The following GPHN variants were observed in gnomAD, a reference collection of about 807,000 sequenced individuals.
The protein encoded by GPHN is gephyrin.
In GPHN, 17 loss-of-function variants were observed where a neutral mutation model predicts 95.5. That is an observed-to-expected ratio of 0.18 (90% CI 0.12 to 0.27). The LOEUF (loss-of-function observed/expected upper bound fraction) is 0.27. Among genes scored for constraint, GPHN ranks in the 10% least tolerant of loss-of-function variants. The pLI is 1.00. For synonymous variants in GPHN, 320 were observed against 322.5 expected (o/e 0.99, Z 0.08); for missense variants, 660 against 978.1 (o/e 0.67, Z 4.34).
At chr14:67,110,335 G>T (rs779939838) in intron 14 of GPHN, 76 bp downstream of exon 14, 32 of 1,539,042 alleles carry the variant, frequency 2.1e-5, no homozygotes, top group Non-Finnish European at 2.6e-5. Flanking sequence ...TGCAGTGTTT[G>T]TGAGATTAAC....
the GPHN span, among the ~76,000 whole-genome samples, chr14:67,438,386 A>G: frequency 1.3e-5 from 2 of 152,222 alleles, no homozygotes; most frequent in African/African-American, 4.8e-5. Context: ...CTGACTGCAA[A>G]ATGGGACACA....
intron 11 of GPHN, among the ~76,000 whole-genome samples, chr14:67,069,353 C>A (rs2076191534): frequency 6.6e-6 from 1 of 152,094 alleles, no homozygotes; most frequent in African/African-American, 2.4e-5. Context: ...TACAGTATGA[C>A]CTTGGTGAGG....
At chr14:67,251,378 C>T in the GPHN span, among the ~76,000 whole-genome samples, 219 of 152,158 alleles carry the variant, frequency 1.4e-3, no homozygotes, top group Non-Finnish European at 2.5e-3. Context: ...ACAAAAAATA[C>T]GAAAATTAGC....
At chr14:67,021,293 A>C (rs959920668) in intron 9 of GPHN, among the ~76,000 whole-genome samples, 4 of 152,096 alleles carry the variant, frequency 2.6e-5, no homozygotes, top group African/African-American at 9.7e-5. Flanking sequence ...ATTCTCCCCA[A>C]ATCTGGTTCA....
the GPHN span, chr14:67,533,644 G>C: frequency 6.6e-6 from 1 of 152,130 alleles, no homozygotes; most frequent in South Asian, 2.1e-4. Flanking sequence ...ACCTGGACTT[G>C]GGGATCGGTC....
chr14:67,690,814 C>A, the GPHN span: 2 of 370,006 alleles, frequency 5.4e-6, no homozygotes, highest in Non-Finnish European at 9.8e-6. Context: ...AAGACCCTGT[C>A]TTTACAAAAA....
chr14:67,580,527 T>C, the GPHN span, among the ~76,000 whole-genome samples: 3 of 152,276 alleles, frequency 2.0e-5, no homozygotes, highest in Non-Finnish European at 2.9e-5. Context: ...CTGGAAAAAC[T>C]ATGCCACATA....
the GPHN span, chr14:67,303,731 T>C: frequency 1.5e-6 from 1 of 684,204 alleles, no homozygotes; most frequent in Non-Finnish European, 2.5e-6. Context: ...TAAATAAATA[T>C]GAAATATCAA....
rs539265739 is a variant in GPHN at position 66,670,446 on chromosome 14, C to T, written c.65-10661C>T. On this transcript the variant is annotated intron_variant, in intron 1 of 22. Coordinates refer to ENST00000478722, the MANE Select transcript of GPHN (RefSeq NM_020806.5). ...CATGTATCAGAAATTACAATATTAA[C>T]TGGCTCTCTATAATGCCTCGTAATT... 2.0e-4 allele frequency among the ~76,000 whole-genome samples: 30 copies of T among 152,308 alleles called. No homozygotes were observed. In the South Asian group the frequency reaches 5.6e-3, roughly 28 times the overall value.
chr14:67,662,677 AG>A, the GPHN span: 1 of 751,694 alleles, frequency 1.3e-6, no homozygotes, highest in East Asian at 3.2e-5. Flanking sequence ...AGGCCAAGGC[AG>A]GTGGATCACA....
At chr14:67,699,684 A>T in the GPHN span, among the ~76,000 whole-genome samples, 4 of 150,210 alleles carry the variant, frequency 2.7e-5, no homozygotes, top group Non-Finnish European at 4.4e-5. Context: ...TTTTTTTTTT[A>T]AAGTGATCAA....
At chr14:67,164,491 TAATC>T in intron 19 of GPHN, among the ~76,000 whole-genome samples, 1 of 152,138 alleles carries the variant, frequency 6.6e-6, no homozygotes, top group African/African-American at 2.4e-5. Context: ...TATTATCAGG[TAATC>T]TGCTTTCTTT....
At chr14:67,568,654 G>A in the GPHN span, among the ~76,000 whole-genome samples, 1 of 152,124 alleles carries the variant, frequency 6.6e-6, no homozygotes, top group Non-Finnish European at 1.5e-5. Flanking sequence ...TTAAAAATGT[G>A]CCCTAAGTTC....
At chr14:67,694,688 T>C in the GPHN span, among the ~76,000 whole-genome samples, 1 of 151,846 alleles carries the variant, frequency 6.6e-6, no homozygotes, top group Non-Finnish European at 1.5e-5. Flanking sequence ...GTGGGAGAAC[T>C]GAGTGTTCAG....
Position 66,650,619 on chromosome 14 carries a change from G to A in GPHN, c.65-30488G>A, listed in dbSNP as rs187781703. ...ATCACTGTGGTATGCAATCCAGGTT[G>A]ATGGGTCTACCAGTGTTGACAACAA... On this transcript the variant is annotated intron_variant, in intron 1 of 22. Transcript: ENST00000478722. Among the ~76,000 whole-genome samples, 291 of 152,318 alleles carry A rather than the reference G, an allele frequency of 1.9e-3. 3 individuals are homozygous for A. Among genetic ancestry groups the A allele is most frequent in the Middle Eastern group, 3.4e-3 (1 of 294 alleles).
chr14:66,763,509 C>T (rs954030755), intron 2 of GPHN, among the ~76,000 whole-genome samples: 40 of 148,918 alleles, frequency 2.7e-4, no homozygotes, highest in African/African-American at 7.2e-4. Context: ...TTTGTTCTTG[C>T]GATGGTTTAC....
At chr14:66,885,742 A>AT (rs1353045283) in intron 5 of GPHN, among the ~76,000 whole-genome samples, 2 of 152,050 alleles carry the variant, frequency 1.3e-5, no homozygotes, top group Admixed American at 1.3e-4. Flanking sequence ...GAAAGTCACT[A>AT]TGCATGCCCA....
At chr14:66,630,843 G>A (rs1464619207) in intron 1 of GPHN, among the ~76,000 whole-genome samples, 1 of 151,994 alleles carries the variant, frequency 6.6e-6, no homozygotes, top group Non-Finnish European at 1.5e-5. Context: ...TCTGTTTCTG[G>A]TATTTCCTAT....
At chr14:67,585,599 T>C in the GPHN span, 4 of 1,585,618 alleles carry the variant, frequency 2.5e-6, no homozygotes, top group East Asian at 9.2e-5. Context: ...GAGAACGCTC[T>C]GGTGTGGATT....
Sources: gnomAD v4.1 joint callset for allele counts (sites outside exome capture counted in the v4.1 genomes callset) on GRCh38, gnomAD v4.1.1 for gene constraint, MANE v1.5 for transcripts, NCBI Gene and HGNC (gene_info 2026-07-23, HGNC 2026-07-21) for gene names.